The following ZC3H12B variants were observed in gnomAD, a reference collection of about 807,000 sequenced individuals.
ZC3H12B encodes probable ribonuclease ZC3H12B.
In ZC3H12B, 7 loss-of-function variants were observed where a neutral mutation model predicts 43.9. That is an observed-to-expected ratio of 0.16 (90% confidence interval 0.09 to 0.30). The LOEUF is 0.30. ZC3H12B is among the 10% of genes least tolerant of loss of function. ZC3H12B has a pLI of 1.00. For synonymous variants in ZC3H12B, 222 were observed against 241.7 expected (o/e 0.92, Z 0.76); for missense variants, 475 against 670.2 (o/e 0.71, Z 3.22).
chrX:65,226,954 T>G, the ZC3H12B span, among the ~76,000 whole-genome samples: 3 of 110,837 alleles, frequency 2.7e-5, no homozygotes, highest in Admixed American at 2.9e-4. Flanking sequence ...CACCCCACTC[T>G]CAACATTACA....
chrX:65,325,646 G>T, the ZC3H12B span, among the ~76,000 whole-genome samples: 1 of 111,034 alleles, frequency 9.0e-6, no homozygotes, highest in African/African-American at 3.3e-5. Flanking sequence ...TGGATTTGAA[G>T]AATTATTTTT....
intron 3 of ZC3H12B, among the ~76,000 whole-genome samples, chrX:65,458,540 T>A (rs2067672692): frequency 8.9e-6 from 1 of 111,733 alleles, no homozygotes; most frequent in Non-Finnish European, 1.9e-5. Context: ...AAACTAGAAC[T>A]CAGGATTAAG....
the ZC3H12B span, among the ~76,000 whole-genome samples, chrX:65,236,821 C>T: frequency 1.8e-5 from 2 of 111,740 alleles, no homozygotes; most frequent in African/African-American, 6.5e-5. Context: ...TCCCATTGCT[C>T]ATTTTCGTCA....
chrX:65,503,366 T>C, exon 5 of ZC3H12B: 1 of 464,360 alleles, frequency 2.2e-6, no homozygotes, highest in Admixed American at 4.5e-5. Flanking sequence ...TACGTCTTAC[T>C]AACATCCTCT....
exon 5 of ZC3H12B, chrX:65,502,070 G>A: frequency 8.3e-7 from 1 of 1,211,556 alleles, no homozygotes; most frequent in Non-Finnish European, 1.1e-6. Flanking sequence ...CCGTAAGCCT[G>A]AGGCTAGTTC....
the ZC3H12B span, among the ~76,000 whole-genome samples, chrX:65,339,655 T>C: frequency 9.0e-6 from 1 of 111,637 alleles, no homozygotes; most frequent in South Asian, 3.7e-4. Context: ...ACAAGGCCAG[T>C]CTGACCTGAG....
At chrX:65,157,916 T>TC in the ZC3H12B span, among the ~76,000 whole-genome samples, 1 of 63,680 alleles carries the variant, frequency 1.6e-5, no homozygotes, top group Admixed American at 2.4e-4. Context: ...ATGCTATCCC[T>TC]CCCCCCTCCC....
At chrX:65,277,307 A>G in the ZC3H12B span, among the ~76,000 whole-genome samples, 1 of 111,568 alleles carries the variant, frequency 9.0e-6, no homozygotes, top group Non-Finnish European at 1.9e-5. Context: ...TGGACAGACC[A>G]TTTAGACAGC....
the ZC3H12B span, among the ~76,000 whole-genome samples, chrX:65,228,183 C>T: frequency 2.7e-5 from 3 of 111,879 alleles, no homozygotes; most frequent in South Asian, 7.5e-4. Context: ...AGCTTATCCA[C>T]CATGATCAAG....
the ZC3H12B span, among the ~76,000 whole-genome samples, chrX:65,061,243 C>A: frequency 1.8e-5 from 2 of 111,273 alleles, no homozygotes; most frequent in Non-Finnish European, 3.8e-5. Context: ...TGCTTTGCTG[C>A]ACCCATCAAC....
the ZC3H12B span, among the ~76,000 whole-genome samples, chrX:65,180,780 A>C: frequency 9.1e-6 from 1 of 110,447 alleles, no homozygotes; most frequent in African/African-American, 3.3e-5. Context: ...AAAGAAGTTG[A>C]AAAAAAATTT....
chrX:65,415,784 T>C (rs2066953530), intron 3 of ZC3H12B, among the ~76,000 whole-genome samples: 2 of 112,312 alleles, frequency 1.8e-5, no homozygotes, highest in African/African-American at 6.5e-5. Context: ...TTATCCTCTA[T>C]GAAATTGTGA....
At chrX:65,175,760 C>T in the ZC3H12B span, among the ~76,000 whole-genome samples, 7 of 111,658 alleles carry the variant, frequency 6.3e-5, no homozygotes, top group South Asian at 7.4e-4. Flanking sequence ...CACGGTGGGG[C>T]GTTGCCTCAC....
At chrX:65,326,690 A>G in the ZC3H12B span, among the ~76,000 whole-genome samples, 1 of 111,781 alleles carries the variant, frequency 8.9e-6, no homozygotes, top group South Asian at 3.7e-4. Context: ...AGAAAACACA[A>G]CTTTTTTAGA....
At chrX:65,484,153 G>T (rs1464219854), upstream of ZC3H12B, among the ~76,000 whole-genome samples, 1 of 111,264 alleles carries the variant, frequency 9.0e-6, no homozygotes, top group Non-Finnish European at 1.9e-5. Context: ...TCTGTCTTTA[G>T]GTCTTTGAGG....
the ZC3H12B span, among the ~76,000 whole-genome samples, chrX:65,286,926 AG>A: frequency 9.0e-6 from 1 of 111,327 alleles, no homozygotes; most frequent in African/African-American, 3.3e-5. Flanking sequence ...AAGTCAAAAC[AG>A]TAAACAAAAA....
At chrX:65,470,103 A>C (rs974263621) in intron 3 of ZC3H12B, 1 of 116,474 alleles carries the variant, frequency 8.6e-6, no homozygotes, top group African/African-American at 3.2e-5. Context: ...CAGCGTGTGC[A>C]GCGCCAAGTA....
the ZC3H12B span, among the ~76,000 whole-genome samples, chrX:65,175,922 C>T: frequency 8.9e-6 from 1 of 112,311 alleles, no homozygotes; most frequent in Non-Finnish European, 1.9e-5. Flanking sequence ...CAGGTGCCTA[C>T]ACCACTGGGG....
chrX:65,311,863 A>T, the ZC3H12B span, among the ~76,000 whole-genome samples: 1,798 of 111,184 alleles, frequency 0.016, 32 homozygotes, highest in African/African-American at 0.056. Context: ...ATGCAGCTGG[A>T]AACCATCATT....
Sources: gnomAD v4.1 joint callset for allele counts (sites outside exome capture counted in the v4.1 genomes callset) on GRCh38, gnomAD v4.1.1 for gene constraint, MANE v1.5 for transcripts, NCBI Gene and HGNC (gene_info 2026-07-23, HGNC 2026-07-21) for gene names.